The following MAP4K2 variants were observed in gnomAD, a reference collection of about 807,000 sequenced individuals.
MAP4K2 encodes B lymphocyte serine/threonine protein kinase.
A neutral mutation model predicts 125.3 loss-of-function variants in MAP4K2; 85 were observed. The observed-to-expected ratio is 0.68, with a 90% confidence interval of 0.57 to 0.81. MAP4K2 has a LOEUF of 0.81. Among genes scored for constraint, MAP4K2 ranks in the 40% least tolerant of loss-of-function variants. MAP4K2 has a pLI of 0.00. For synonymous variants in MAP4K2, 479 were observed against 445.1 expected (o/e 1.08, Z -0.96); for missense variants, 923 against 1,056.4 (o/e 0.87, Z 1.75).
At position 64,790,107 on chromosome 11, in the gene MAP4K2, C is replaced by G; in HGVS notation, c.2248+81G>C. The G allele has an allele frequency of 3.2e-6, 5 of 1,564,878 alleles. No individual in the cohort carries two copies. The South Asian group carries it at 5.6e-5, about 18-fold the overall frequency. On this transcript the variant is annotated intron_variant, in intron 29 of 31. Transcript: ENST00000294066. Reference sequence around the variant, plus strand: ...GGGGCTAGGGGATCTGCCTCCTCATCCTACCGCCAGCCCCAGGCCCCTGAG... The same window carrying G: ...GGGGCTAGGGGATCTGCCTCCTCATGCTACCGCCAGCCCCAGGCCCCTGAG...
intron 27 of MAP4K2, 78 bp from the exon 28 acceptor site, chr11:64,790,540 C>T (rs768410984): frequency 2.9e-6 from 4 of 1,385,776 alleles, no homozygotes; most frequent in Non-Finnish European, 4.0e-6. Context: ...GGCCAGGCTA[C>T]AGACAGCCCT....
intron 4 of MAP4K2, 94 bp downstream of exon 4, chr11:64,802,325 C>A: frequency 5.9e-6 from 8 of 1,348,024 alleles, no homozygotes; most frequent in Non-Finnish European, 8.2e-6. Context: ...TGGAGAGGAG[C>A]CCAAGTCCAG....
rs1311092352 is a variant in MAP4K2 at position 64,800,775 on chromosome 11, A to C, written c.714T>G (p.Asp238Glu). 5 of 1,606,992 alleles carry C rather than the reference A, an allele frequency of 3.1e-6. No homozygotes were observed. Among genetic ancestry groups the C allele is most frequent in the Admixed American group, 1.7e-5 (1 of 58,818 alleles). ...GGTGTGGCCCTTACCAGCGAGTCTT[A>C]TCTCTCAGTTTGGGCGGCTGGAAGC... ...KSSFQPPKLR[D>E]KTRWTQNFHH... Residue 238 changes from aspartate to glutamate, a missense_variant, in exon 10 of 32, where the codon GAT becomes GAG. Physicochemically the swap from Asp to Glu is conservative, Grantham distance 45. Around this residue, in one of 2 missense-constraint regions of MAP4K2, gnomAD observed 833 missense variants for 911.4 expected, o/e 0.91. Coordinates refer to ENST00000294066, the MANE Select transcript of MAP4K2 (RefSeq NM_004579.5).
Position 64,803,086 on chromosome 11 carries a change from C to A in MAP4K2, c.64G>T (p.Val22Leu), listed in dbSNP as rs776950112. The A allele has an allele frequency of 6.2e-7, 1 of 1,601,652 alleles. No individual in the cohort carries two copies. Among genetic ancestry groups the A allele is most frequent in the Non-Finnish European group, 8.5e-7 (1 of 1,177,768 alleles). ...ACGTCGCCATAGGTCCCGGCCCCCA[C>A]GCGCTGCAGCAGCTCGAAGCGGTCC... Reference protein sequence around the residue: ...PRDRFELLQRVGAGTYGDVYK... With the variant: ...PRDRFELLQRLGAGTYGDVYK... Residue 22 changes from valine (V) to leucine (L), a missense_variant, in exon 1 of 32, where the codon GTG becomes TTG. By Grantham distance (32) the Val-to-Leu change is conservative. This residue lies in a region of MAP4K2 where 833 missense variants were observed against 911.4 expected (regional missense o/e 0.91). Coordinates refer to ENST00000294066, the MANE Select transcript of MAP4K2 (RefSeq NM_004579.5).
rs1940990935 is a variant in MAP4K2, at chr11:64,798,903, A to G, written c.1054-66T>C. On this transcript the variant is annotated intron_variant, in intron 14 of 31. Transcript: ENST00000294066. ...CAGATGCAACGTGAGAGGGCGCTCA[A>G]GAGATTCAGGAAAGGAAAGACAGAC... 1.6e-5 allele frequency: 22 copies of G among 1,364,928 alleles called. No individual in the cohort carries two copies. In the South Asian group the frequency reaches 3.0e-4, roughly 18 times the overall value. The allele number at this position is 1,364,928 out of a possible 1,614,324, so 84.6% of individuals were successfully genotyped here. A position where few individuals can be genotyped will look rare whatever the true frequency, so the allele number is the denominator to read the frequency against.
At position 64,800,911 on chromosome 11, in the gene MAP4K2, C is replaced by A; in HGVS notation, c.651G>T (p.Leu217=). The A allele has an allele frequency of 6.2e-7, 1 of 1,614,006 alleles. No individual in the cohort carries two copies. Among genetic ancestry groups the A allele is most frequent in the Non-Finnish European group, 8.5e-7 (1 of 1,180,006 alleles). ...AGTGTTGGGCTGACCTCATGGGGTGCAGGTGGAACAGAGGGGGCTGCAGCT... is the reference window on the plus strand; with the variant it reads ...AGTGTTGGGCTGACCTCATGGGGTGAAGGTGGAACAGAGGGGGCTGCAGCT... ...LGELQPPLFH[L]HPMRALMLMS... The change falls in exon 9 of 32, where the codon CTG becomes CTT. Residue 217 remains leucine (L), a synonymous_variant. Transcript: ENST00000294066.
At chr11:64,793,783 C>A (rs2136040747) in intron 24 of MAP4K2, among the ~76,000 whole-genome samples, 1 of 152,346 alleles carries the variant, frequency 6.6e-6, no homozygotes, top group South Asian at 2.1e-4. Flanking sequence ...CTGTTCTTTG[C>A]ATTCAAAGTG....
intron 10 of MAP4K2, 63 bp downstream of exon 10, chr11:64,800,701 G>T: frequency 6.5e-7 from 1 of 1,549,824 alleles, no homozygotes; most frequent in Non-Finnish European, 8.7e-7. Context: ...AGTTGGCAGA[G>T]GCTGTTTGTC....
In MAP4K2 at chr11:64,801,769, G is replaced by A; in HGVS notation, c.367-12C>T. On this transcript the variant is annotated splice_polypyrimidine_tract_variant and intron_variant, in intron 5 of 31. Coordinates refer to ENST00000294066, the MANE Select transcript of MAP4K2 (RefSeq NM_004579.5). ...AGGTGGTGGAGCCCCTGGCGACAAA[G>A]AGGAGTCCCTGAGAGCAGCCACCCA... 1.2e-6 allele frequency: 2 copies of A among 1,612,576 alleles called. No individual in the cohort carries two copies. The highest frequency in any genetic ancestry group is 2.2e-5 in the East Asian group (1 of 44,874).
chr11:64,790,146 C>T (rs778604824), intron 29 of MAP4K2, 42 bp downstream of exon 29: 31 of 1,607,942 alleles, frequency 1.9e-5, no homozygotes, highest in Non-Finnish European at 2.6e-5. Flanking sequence ...CAACGTGCTC[C>T]AGGCCAGGGA....
chr11:64,797,143 G>A lies in MAP4K2; in HGVS notation c.1326C>T (p.Pro442=). 1 of 1,614,120 alleles carries A rather than the reference G, an allele frequency of 6.2e-7. No homozygotes were observed. The highest frequency in any genetic ancestry group is 8.5e-7 in the Non-Finnish European group (1 of 1,180,020). Residue 442 remains proline (P), a synonymous_variant, in exon 19 of 32, where the codon CCC becomes CCT. Coordinates refer to ENST00000294066, the MANE Select transcript of MAP4K2 (RefSeq NM_004579.5). ...PSGPNSSPLL[P]TAWATMKQRE... is the part of the protein sequence containing the mutation. Reference sequence around the variant, plus strand: ...GCTGCTTCATGGTGGCCCAGGCCGTGGGCAGCAGTGGGGAGCTGTTGGGGC... The same window carrying A: ...GCTGCTTCATGGTGGCCCAGGCCGTAGGCAGCAGTGGGGAGCTGTTGGGGC...
chr11:64,796,155 G>C (rs1025150432), intron 24 of MAP4K2, 118 bp downstream of exon 24: 2 of 901,312 alleles, frequency 2.2e-6, no homozygotes, highest in East Asian at 2.7e-5. Context: ...AGGAGGAAAC[G>C]GGCGCTCAGA....
intron 15 of MAP4K2, among the ~76,000 whole-genome samples, chr11:64,798,197 G>A (rs894237405): frequency 6.6e-6 from 1 of 151,586 alleles, no homozygotes; most frequent in African/African-American, 2.4e-5. Flanking sequence ...ATGGAGTCTC[G>A]CTCTGTTGCC....
rs1434018892 is a variant in MAP4K2, at chr11:64,796,267, C to A, written c.1751+6G>T. The A allele has an allele frequency of 6.6e-7, 1 of 1,526,266 alleles. No individual in the cohort carries two copies. Among genetic ancestry groups the A allele is most frequent in the East Asian group, 2.3e-5 (1 of 44,122 alleles). The allele number at this position is 1,526,266 out of a possible 1,614,324, so 94.5% of individuals were successfully genotyped here. A position where few individuals can be genotyped will look rare whatever the true frequency, so the allele number is the denominator to read the frequency against. ...TCCCGCTCCCTGCACGCCCAAGATCCCTGACCTGGGGATGATGCGCTGGGT... is the reference window on the plus strand; with the variant it reads ...TCCCGCTCCCTGCACGCCCAAGATCACTGACCTGGGGATGATGCGCTGGGT... On this transcript the variant is annotated splice_donor_region_variant and intron_variant, in intron 24 of 31. Coordinates refer to ENST00000294066, the MANE Select transcript of MAP4K2 (RefSeq NM_004579.5).
Position 64,796,705 on chromosome 11 carries a change from G to A in MAP4K2, c.1501C>T (p.Leu501=). The change falls in exon 22 of 32, where the codon CTG becomes TTG. Residue 501 remains leucine, a synonymous_variant. Coordinates refer to ENST00000294066, the MANE Select transcript of MAP4K2 (RefSeq NM_004579.5). ...WIHPVTRDQF[L]VVGAEEGIYT... ...ATGCCTTCCTCGGCCCCTACCACCA[G>A]GAACTGGTCTGCCAGTTTGGGCATG... 6.2e-7 allele frequency: 1 copy of A among 1,613,838 alleles called. No homozygotes were observed. Among genetic ancestry groups the A allele is most frequent in the Non-Finnish European group, 8.5e-7 (1 of 1,179,958 alleles).
chr11:64,800,726 C>T (rs1421686127), intron 10 of MAP4K2, 38 bp downstream of exon 10: 2 of 1,571,772 alleles, frequency 1.3e-6, no homozygotes, highest in Non-Finnish European at 1.7e-6. Flanking sequence ...ATGGGGCTGA[C>T]AGAAAAGGGG....
rs776318759 is a variant in MAP4K2, at chr11:64,786,183, A to G, written c.*3354T>C. 14 of 152,216 alleles carry G rather than the reference A, an allele frequency of 9.2e-5. No homozygotes were observed. The highest frequency in any genetic ancestry group is 1.9e-4 in the Non-Finnish European group (13 of 68,046). 9.4% of individuals were successfully genotyped at this position (152,216 alleles called of 1,614,324 possible). A position where few individuals can be genotyped will look rare whatever the true frequency, so the allele number is the denominator to read the frequency against. On this transcript the variant is annotated 3_prime_UTR_variant, in exon 32 of 32. Transcript: ENST00000294066. ...GTTTCATTTTGTTTTTGAGCTTTAT[A>G]ATATGCTATCGTACTGTGCATAAAG...
At chr11:64,793,911 A>G (rs950821558) in intron 24 of MAP4K2, among the ~76,000 whole-genome samples, 3 of 152,096 alleles carry the variant, frequency 2.0e-5, no homozygotes, top group African/African-American at 7.2e-5. Context: ...TTGGGGACTG[A>G]GCTCAGGAAG....
chr11:64,800,212 G>C lies in MAP4K2; in HGVS notation c.812C>G (p.Pro271Arg), dbSNP rs758134863. The C allele has an allele frequency of 6.2e-7, 1 of 1,612,978 alleles. No homozygotes were observed. Among genetic ancestry groups the C allele is most frequent in the Non-Finnish European group, 8.5e-7 (1 of 1,179,876 alleles). The change falls in exon 12 of 32, where the codon CCG becomes CGG. Residue 271 changes from proline (P) to arginine (R), a missense_variant. By Grantham distance (103) the Pro-to-Arg change is moderately radical. This residue lies in a region of MAP4K2 where 833 missense variants were observed against 911.4 expected (regional missense o/e 0.91). Transcript: ENST00000294066. Reference protein sequence around the residue: ...RPTAEKLLQHPFTTQQLPRAL... With the variant: ...RPTAEKLLQHRFTTQQLPRAL... ...CCGAGGGAGCTGCTGAGTCGTGAAC[G>C]GGTGCTGGAAAGTGGGGGAGGGGGG...
Sources: allele counts gnomAD v4.1 joint callset (sites outside exome capture counted in the v4.1 genomes callset), GRCh38; gene constraint gnomAD v4.1.1; regional missense constraint gnomAD v4.1.1; transcripts MANE v1.5; gene names NCBI Gene and HGNC (gene_info 2026-07-23, HGNC 2026-07-21).